Variants in SEC14L1 observed in about 807,000 individuals in gnomAD.
SEC14L1 encodes the protein SEC14-like protein 1.
SEC14L1 carries 48 observed loss-of-function variants against 85.3 expected under a neutral mutation model. The observed-to-expected ratio is 0.56, with a 90% confidence interval of 0.45 to 0.72. The LOEUF (loss-of-function observed/expected upper bound fraction) is 0.72. SEC14L1 is among the 30% of genes least tolerant of loss of function. The probability of loss-of-function intolerance (pLI) is 0.00; values close to 1 mark genes in which losing one functional copy is unlikely to be tolerated. For missense variants in SEC14L1, 682 were observed against 921.4 expected (o/e 0.74, Z 3.36); for synonymous variants, 391 against 355.5 (o/e 1.10, Z -1.12).
At chr17:77,136,179 CTCTTTCTT>C (rs138379411), upstream of SEC14L1, among the ~76,000 whole-genome samples, 4 of 151,742 alleles carry the variant, frequency 2.6e-5, no homozygotes, top group African/African-American at 7.3e-5. Context: ...CTGGCCCCTT[CTCTTTCTT>C]TCTTTCTCTT....
At position 77,206,589 on chromosome 17, in the gene SEC14L1, C is replaced by A; in HGVS notation, c.1342-139C>A. On this transcript the variant is annotated intron_variant, in intron 12 of 16. Coordinates refer to ENST00000436233, the MANE Select transcript of SEC14L1 (RefSeq NM_001143998.2). This position sits in a 1 kb window ranked among gnomAD's most constrained non-coding sequence, Gnocchi z 4.3. The stretch of plus-strand genomic sequence containing the variant: ...AAAATGTGAGTGTCCTAATGCCATG[C>A]AAATAGACTTTACAGAAGAAGTATA... 8.2e-7 allele frequency: 1 copy of A among 1,221,178 alleles called. No individual in the cohort carries two copies. The highest frequency in any genetic ancestry group is 1.1e-6 in the Non-Finnish European group (1 of 872,934). 75.6% of individuals were successfully genotyped at this position (1,221,178 alleles called of 1,614,324 possible). A position where few individuals can be genotyped will look rare whatever the true frequency, so the allele number is the denominator to read the frequency against.
intron 3 of SEC14L1, among the ~76,000 whole-genome samples, chr17:77,133,880 A>G (rs1450687764): frequency 1.4e-5 from 2 of 144,326 alleles, no homozygotes; most frequent in African/African-American, 2.5e-5. Context: ...TGGAGGTTGC[A>G]GTGAACTAAG....
Position 77,216,624 on chromosome 17 carries a change from C to G in SEC14L1, c.*2601C>G. 8 of 1,612,694 alleles carry G rather than the reference C, an allele frequency of 5.0e-6. No individual in the cohort carries two copies. Among genetic ancestry groups the G allele is most frequent in the Non-Finnish European group, 4.2e-6 (5 of 1,179,012 alleles). ...CATGTGCCCAGAGATGTTTATAGAA[C>G]TGTTTGAATTGCAGCCATCCCCTGC... On this transcript the variant is annotated 3_prime_UTR_variant, in exon 17 of 17. Transcript: ENST00000436233.
intron 3 of SEC14L1, among the ~76,000 whole-genome samples, chr17:77,095,889 C>G (rs542338576): frequency 6.6e-6 from 1 of 151,928 alleles, no homozygotes; most frequent in African/African-American, 2.4e-5. Flanking sequence ...GTAATGGGCG[C>G]GCTCCTCCTA....
chr17:77,097,390 C>T (rs144657195), intron 3 of SEC14L1, among the ~76,000 whole-genome samples: 4,121 of 152,092 alleles, frequency 0.027, 99 homozygotes, highest in South Asian at 0.097. Flanking sequence ...ATGGTGAAAC[C>T]CCGTCTCTAT....
rs1210095475 is a variant in SEC14L1 at position 77,145,077 on chromosome 17, TTGTGTGTGTGTGTGTG to T, written c.63+1420_63+1435del. On this transcript the variant is annotated intron_variant, in intron 3 of 16. Coordinates refer to ENST00000436233, the MANE Select transcript of SEC14L1 (RefSeq NM_001143998.2). ...GTGCCTGCCCCCGCACCTGGCTAAT[TTGTGTGTGTGTGTGTG>T]TATGTATGTGTGTGTGTGTGTGTGT... is the stretch of plus-strand genomic sequence containing the variant. The T allele has an allele frequency of 1.0e-4, 15 of 144,396 alleles. 1 individual carries two copies. In the Admixed American group the frequency reaches 1.1e-3, roughly 10 times the overall value. 8.9% of individuals were successfully genotyped at this position (144,396 alleles called of 1,614,324 possible). A position where few individuals can be genotyped will look rare whatever the true frequency, so the allele number is the denominator to read the frequency against.
At chr17:77,165,967 C>T (rs567191682) in intron 3 of SEC14L1, among the ~76,000 whole-genome samples, 106 of 152,292 alleles carry the variant, frequency 7.0e-4, no homozygotes, top group South Asian at 5.0e-3. Flanking sequence ...TTCAGAAGGT[C>T]CCCCTCCTCA....
At chr17:77,165,953 T>C (rs1250767729) in intron 3 of SEC14L1, among the ~76,000 whole-genome samples, 1 of 152,244 alleles carries the variant, frequency 6.6e-6, no homozygotes, top group East Asian at 1.9e-4. Flanking sequence ...TTAAACTGTT[T>C]GCATTCAGAA....
intron 3 of SEC14L1, among the ~76,000 whole-genome samples, chr17:77,162,153 G>A (rs936475153): frequency 3.3e-5 from 5 of 152,176 alleles, no homozygotes; most frequent in Non-Finnish European, 7.3e-5. Flanking sequence ...CCCCAGTCCT[G>A]GCGCTCGGCG....
At chr17:77,193,601 T>C in intron 6 of SEC14L1, 52 bp downstream of exon 6, 3 of 1,560,452 alleles carry the variant, frequency 1.9e-6, no homozygotes, top group Non-Finnish European at 2.6e-6. Context: ...GTCTCTGAGA[T>C]GACCATCTTT....
At chr17:77,139,903 G>A (rs1418604023), upstream of SEC14L1, among the ~76,000 whole-genome samples, 1 of 152,186 alleles carries the variant, frequency 6.6e-6, no homozygotes, top group African/African-American at 2.4e-5. Flanking sequence ...AACACAAGGG[G>A]TGATGAGGCC....
upstream of SEC14L1, among the ~76,000 whole-genome samples, chr17:77,140,561 A>C (rs1972951227): frequency 6.6e-6 from 1 of 151,326 alleles, no homozygotes; most frequent in Admixed American, 6.6e-5. Context: ...GGTGGTTTTG[A>C]CCTCCCGCAA....
intron 3 of SEC14L1, among the ~76,000 whole-genome samples, chr17:77,153,243 T>A (rs888653058): frequency 1.3e-5 from 2 of 152,144 alleles, no homozygotes; most frequent in Non-Finnish European, 2.9e-5. Context: ...ATTTTTGTAT[T>A]TTTAGTACAG....
At chr17:77,139,372 G>A (rs931198897), upstream of SEC14L1, among the ~76,000 whole-genome samples, 1 of 151,996 alleles carries the variant, frequency 6.6e-6, no homozygotes. Flanking sequence ...AGGTCTCACC[G>A]TGTTGACCAG....
intron 3 of SEC14L1, among the ~76,000 whole-genome samples, chr17:77,108,623 G>A (rs2143350001): frequency 6.6e-6 from 1 of 151,848 alleles, no homozygotes; most frequent in East Asian, 2.0e-4. Context: ...CCTGTAGTCT[G>A]GGCTACTCAG....
rs368631522 is a variant in SEC14L1 at position 77,097,237 on chromosome 17, CCAAA to C, written c.-136+3895_-136+3898del. ...TGAAATTGACAGGTACTTATCAAGACCAAACAAAGTTTGCACAAAGCCAGCACAG... is the reference window on the plus strand; with the variant it reads ...TGAAATTGACAGGTACTTATCAAGACCAAAGTTTGCACAAAGCCAGCACAG... On this transcript the variant is annotated intron_variant, in intron 3 of 19. Coordinates refer to the SEC14L1 transcript ENST00000392476. Among the ~76,000 whole-genome samples the C allele has an allele frequency of 2.4e-4, 36 of 152,324 alleles. No homozygotes were observed. In the South Asian group the frequency reaches 6.6e-3, roughly 28 times the overall value.
intron 3 of SEC14L1, among the ~76,000 whole-genome samples, chr17:77,116,757 T>C (rs1374968632): frequency 6.6e-6 from 1 of 152,234 alleles, no homozygotes; most frequent in East Asian, 1.9e-4. Flanking sequence ...TTGAACAAAC[T>C]TGGAATTTCA....
intron 3 of SEC14L1, among the ~76,000 whole-genome samples, chr17:77,099,958 T>C (rs1971728922): frequency 6.6e-6 from 1 of 152,232 alleles, no homozygotes; most frequent in African/African-American, 2.4e-5. Context: ...TGTCTTTTTG[T>C]TTAAAAAAAT....
intron 3 of SEC14L1, among the ~76,000 whole-genome samples, chr17:77,173,963 C>T (rs1368862852): frequency 6.6e-6 from 1 of 151,734 alleles, no homozygotes; most frequent in Non-Finnish European, 1.5e-5. Context: ...TGCAATGGCA[C>T]GATCTCCGCT....
Sources: allele counts gnomAD v4.1 joint callset (sites outside exome capture counted in the v4.1 genomes callset), GRCh38; gene constraint gnomAD v4.1.1; non-coding constraint Gnocchi (gnomAD v3.1); transcripts MANE v1.5; gene names NCBI Gene and HGNC (gene_info 2026-07-23, HGNC 2026-07-21).